Variants in SUMF1 observed in about 807,000 individuals in gnomAD.
SUMF1 encodes the protein sulfatase modifying factor 1.
Under a neutral mutation model 47.6 loss-of-function variants are expected in SUMF1, and 48 were observed. The observed-to-expected ratio is 1.01, with a 90% CI of 0.80 to 1.28. The LOEUF (loss-of-function observed/expected upper bound fraction) is 1.28, where lower values mean the gene tolerates loss of function less well. Among genes scored for constraint, SUMF1 ranks in the 50% most tolerant of loss-of-function variants. SUMF1 has a pLI of 0.00. For synonymous variants in SUMF1, 230 were observed against 192.1 expected, an observed-to-expected ratio of 1.20 and a Z score of -1.63; for missense variants, 571 against 485.4, an observed-to-expected ratio of 1.18 and a Z score of -1.66.
chr3:4,093,714 T>G (rs545245338), intron 8 of SUMF1, among the ~76,000 whole-genome samples: 2 of 152,220 alleles, frequency 1.3e-5, no homozygotes, highest in South Asian at 4.2e-4. Flanking sequence ...AAAACAGATT[T>G]GAATTTGTTT....
chr3:4,463,313 A>C (rs149173902), intron 1 of SUMF1, among the ~76,000 whole-genome samples: 2,557 of 152,218 alleles, frequency 0.017, 59 homozygotes, highest in African/African-American at 0.058. Context: ...AACGTGGTAA[A>C]ACCCCGTCTC....
At chr3:4,118,673 A>G (rs1396686908) in intron 8 of SUMF1, among the ~76,000 whole-genome samples, 1 of 152,094 alleles carries the variant, frequency 6.6e-6, no homozygotes, top group Non-Finnish European at 1.5e-5. Context: ...CTAAATGCCA[A>G]ATCTAGTGGG....
intron 8 of SUMF1, among the ~76,000 whole-genome samples, chr3:4,318,138 C>A (rs1698733998): frequency 1.3e-5 from 2 of 151,138 alleles, no homozygotes; most frequent in Admixed American, 6.6e-5. Flanking sequence ...ATACCATAAC[C>A]AAAGACATTA....
At position 4,115,504 on chromosome 3, in the gene SUMF1, G is replaced by A. The variant is rs372189150; in HGVS notation, c.1015-46759C>T. Among the ~76,000 whole-genome samples the A allele has an allele frequency of 2.0e-5, 3 of 152,036 alleles. No individual in the cohort carries two copies. The East Asian group carries it at 5.8e-4, about 29-fold the overall frequency. On this transcript the variant is annotated intron_variant and NMD_transcript_variant, in intron 8 of 12. Coordinates refer to the SUMF1 transcript ENST00000448413. ...ACACACACCCACTGGGGCTTCGGGA[G>A]CTGTAGACAATCAACCGTAGATGCT...
intron 8 of SUMF1, among the ~76,000 whole-genome samples, chr3:4,289,120 C>A (rs1575055691): frequency 1.3e-5 from 2 of 152,192 alleles, no homozygotes; most frequent in Non-Finnish European, 2.9e-5. Flanking sequence ...CAAACCAGAA[C>A]TGAACAACAC....
At chr3:4,379,007 T>A (rs906687922) in intron 7 of SUMF1, among the ~76,000 whole-genome samples, 1 of 152,224 alleles carries the variant, frequency 6.6e-6, no homozygotes, top group Non-Finnish European at 1.5e-5. Context: ...CAAGTAGTAA[T>A]GACAGTCATC....
intron 8 of SUMF1, among the ~76,000 whole-genome samples, chr3:4,281,645 TAGAA>T (rs1697531428): frequency 6.6e-6 from 1 of 152,036 alleles, no homozygotes; most frequent in Non-Finnish European, 1.5e-5. Context: ...AAGTAACAAT[TAGAA>T]AGGTTTAGAA....
At chr3:4,399,983 C>T (rs113368132) in intron 7 of SUMF1, among the ~76,000 whole-genome samples, 30 of 152,212 alleles carry the variant, frequency 2.0e-4, no homozygotes, top group African/African-American at 7.0e-4. Flanking sequence ...ACGTGATCCG[C>T]CCACTTCACC....
chr3:4,282,079 T>C (rs1697540989), intron 8 of SUMF1, among the ~76,000 whole-genome samples: 1 of 152,192 alleles, frequency 6.6e-6, no homozygotes, highest in Non-Finnish European at 1.5e-5. Context: ...ATACATTTAA[T>C]GTTGTCTAGA....
intron 7 of SUMF1, among the ~76,000 whole-genome samples, chr3:4,391,644 G>C (rs1411057857): frequency 6.6e-6 from 1 of 151,934 alleles, no homozygotes; most frequent in Non-Finnish European, 1.5e-5. Flanking sequence ...CATGATACCT[G>C]ACTAATTTTT....
In SUMF1 at chr3:4,263,323, G is replaced by A. The variant is rs150355115; in HGVS notation, c.1014+113007C>T. Reference sequence around the variant, plus strand: ...GATTTCTGCTTCATGAAATTGTCTCGTTCTAAATCCACGAGCATGATTCCA... The same window carrying A: ...GATTTCTGCTTCATGAAATTGTCTCATTCTAAATCCACGAGCATGATTCCA... On this transcript the variant is annotated intron_variant and NMD_transcript_variant, in intron 8 of 12. Transcript: ENST00000448413. 1.1e-3 allele frequency among the ~76,000 whole-genome samples: 167 copies of A among 152,242 alleles called. 6 individuals are homozygous for A. In the East Asian group the frequency reaches 0.017, roughly 16 times the overall value.
intron 9 of SUMF1, among the ~76,000 whole-genome samples, chr3:4,058,467 G>A (rs1385671155): frequency 6.6e-6 from 1 of 152,084 alleles, no homozygotes; most frequent in Non-Finnish European, 1.5e-5. Flanking sequence ...GAATACCAAA[G>A]GGACAACATA....
chr3:4,380,304 T>C (rs1263089576), intron 7 of SUMF1, among the ~76,000 whole-genome samples: 2 of 152,174 alleles, frequency 1.3e-5, no homozygotes, highest in African/African-American at 4.8e-5. Context: ...TATTATCCTA[T>C]GTGAATTAAC....
At chr3:4,200,681 A>G (rs1025181112) in intron 8 of SUMF1, among the ~76,000 whole-genome samples, 1 of 152,104 alleles carries the variant, frequency 6.6e-6, no homozygotes, top group Non-Finnish European at 1.5e-5. Context: ...CAATAATTGC[A>G]TGAGGCAATT....
chr3:4,196,277 GA>G (rs962334083), intron 8 of SUMF1, among the ~76,000 whole-genome samples: 2 of 152,104 alleles, frequency 1.3e-5, no homozygotes, highest in African/African-American at 4.8e-5. Context: ...AATGAAGGAA[GA>G]AAGAGAAGAG....
intron 9 of SUMF1, among the ~76,000 whole-genome samples, chr3:4,040,991 G>T (rs1287692909): frequency 2.6e-5 from 4 of 152,132 alleles, no homozygotes; most frequent in African/African-American, 9.7e-5. Flanking sequence ...GTGCCCTTGG[G>T]GTCTGAAGTT....
intron 8 of SUMF1, among the ~76,000 whole-genome samples, chr3:4,284,992 C>T (rs1329752205): frequency 6.6e-6 from 1 of 152,136 alleles, no homozygotes; most frequent in Non-Finnish European, 1.5e-5. Context: ...TCTCTAATAA[C>T]CGCTGATCAT....
intron 3 of SUMF1, among the ~76,000 whole-genome samples, chr3:4,436,369 T>C (rs1702397875): frequency 6.6e-6 from 1 of 152,056 alleles, no homozygotes; most frequent in Admixed American, 6.6e-5. Flanking sequence ...CTAAAAATAA[T>C]ACTAAAGATA....
chr3:4,151,501 A>ATG lies in SUMF1; in HGVS notation c.1015-82758_1015-82757dup, dbSNP rs577842422. The stretch of plus-strand genomic sequence containing the variant: ...TATATATGTGTATATATACGTATAT[A>ATG]TGTGTATATGTATACGTATATATGT... On this transcript the variant is annotated intron_variant and NMD_transcript_variant, in intron 8 of 12. Transcript: ENST00000448413. Among the ~76,000 whole-genome samples the ATG allele has an allele frequency of 2.1e-5, 3 of 145,916 alleles. No homozygotes were observed. The Admixed American group carries it at 2.1e-4, about 10-fold the overall frequency.
Sources: allele counts gnomAD v4.1 joint callset (sites outside exome capture counted in the v4.1 genomes callset), GRCh38; gene constraint gnomAD v4.1.1; transcripts MANE v1.5; gene names NCBI Gene and HGNC (gene_info 2026-07-23, HGNC 2026-07-21).